EPHA5: variants seen among roughly 807,000 people sequenced by gnomAD.
EPHA5 encodes EPH receptor A5.
Under a neutral mutation model 105.0 loss-of-function variants are expected in EPHA5, and 60 were observed. That is an observed-to-expected ratio of 0.57 (90% CI 0.46 to 0.71). The LOEUF (loss-of-function observed/expected upper bound fraction) is 0.71, where lower values mean the gene tolerates loss of function less well. EPHA5 is among the 30% of genes least tolerant of loss of function. The pLI is 0.00. For synonymous variants in EPHA5, 513 were observed against 449.1 expected, an observed-to-expected ratio of 1.14 and a Z score of -1.80; for missense variants, 1,218 against 1,274.7, an observed-to-expected ratio of 0.96 and a Z score of 0.68.
At chr4:65,410,409 T>C (rs1369319444) in intron 7 of EPHA5, among the ~76,000 whole-genome samples, 5 of 152,164 alleles carry the variant, frequency 3.3e-5, no homozygotes, top group African/African-American at 1.2e-4. Flanking sequence ...CAGGGCTTAG[T>C]GATAACACAT....
At chr4:65,471,237 A>G (rs1227782908) in intron 5 of EPHA5, among the ~76,000 whole-genome samples, 2 of 152,206 alleles carry the variant, frequency 1.3e-5, no homozygotes, top group East Asian at 1.9e-4. Flanking sequence ...ACAGACATAA[A>G]TCTCATAAAC....
intron 3 of EPHA5, among the ~76,000 whole-genome samples, chr4:65,557,140 T>A (rs137912656): frequency 2.7e-5 from 4 of 150,040 alleles, no homozygotes; most frequent in African/African-American, 9.8e-5. Flanking sequence ...ACTTGATTAT[T>A]GGGACTAAAG....
intron 3 of EPHA5, among the ~76,000 whole-genome samples, chr4:65,524,663 C>T (rs1474686155): frequency 6.6e-6 from 1 of 151,772 alleles, no homozygotes; most frequent in African/African-American, 2.4e-5. Context: ...TAAATATTTG[C>T]AAGTGCATAC....
intron 5 of EPHA5, among the ~76,000 whole-genome samples, chr4:65,455,077 C>CA (rs1274927546): frequency 2.6e-5 from 4 of 151,924 alleles, no homozygotes; most frequent in South Asian, 2.1e-4. Flanking sequence ...ACTAAAAATA[C>CA]AAAAAATTAG....
intron 7 of EPHA5, among the ~76,000 whole-genome samples, chr4:65,408,840 G>T (rs1044399524): frequency 6.6e-6 from 1 of 151,850 alleles, no homozygotes; most frequent in Non-Finnish European, 1.5e-5. Context: ...CCATTACTGG[G>T]TATATACCCA....
chr4:65,539,114 T>G (rs990733178), intron 3 of EPHA5, among the ~76,000 whole-genome samples: 1 of 151,598 alleles, frequency 6.6e-6, no homozygotes, highest in Non-Finnish European at 1.5e-5. Flanking sequence ...GCTAGGAGAT[T>G]TAAAATAAGC....
At chr4:65,477,124 T>C (rs1339499265) in intron 5 of EPHA5, among the ~76,000 whole-genome samples, 2 of 152,100 alleles carry the variant, frequency 1.3e-5, no homozygotes, top group South Asian at 2.1e-4. Context: ...CAGAACAAAT[T>C]GTTATAGCAC....
At chr4:65,468,522 C>T (rs1277487030) in intron 5 of EPHA5, among the ~76,000 whole-genome samples, 1 of 137,452 alleles carries the variant, frequency 7.3e-6, no homozygotes, top group African/African-American at 2.7e-5. Flanking sequence ...CACATATATA[C>T]AGACACACAC....
chr4:65,489,341 C>A (rs1731190721), intron 5 of EPHA5, among the ~76,000 whole-genome samples: 1 of 152,190 alleles, frequency 6.6e-6, no homozygotes, highest in Non-Finnish European at 1.5e-5. Context: ...TACAAACTTA[C>A]ACTAATATTG....
chr4:65,354,916 A>T (rs1025686920), intron 11 of EPHA5, among the ~76,000 whole-genome samples: 1 of 151,962 alleles, frequency 6.6e-6, no homozygotes. Flanking sequence ...ATGGAATGTG[A>T]TAAGTGTATT....
chr4:65,390,441 G>A (rs10002887), intron 8 of EPHA5, among the ~76,000 whole-genome samples: 36,270 of 151,768 alleles, frequency 0.24, 4,530 homozygotes, highest in East Asian at 0.35. Context: ...CCAAAATCTG[G>A]TGTTTCTCTG....
chr4:65,433,526 C>T (rs1168811919), intron 5 of EPHA5, among the ~76,000 whole-genome samples: 1 of 152,116 alleles, frequency 6.6e-6, no homozygotes, highest in African/African-American at 2.4e-5. Flanking sequence ...TTCAACACAG[C>T]CTTGCCAAAG....
intron 8 of EPHA5, among the ~76,000 whole-genome samples, chr4:65,395,346 T>C (rs1721114301): frequency 6.6e-6 from 1 of 152,220 alleles, no homozygotes; most frequent in Non-Finnish European, 1.5e-5. Context: ...ATATCATATG[T>C]CCTGGACTTA....
intron 2 of EPHA5, among the ~76,000 whole-genome samples, chr4:65,629,789 C>G (rs1019752351): frequency 6.6e-6 from 1 of 152,096 alleles, no homozygotes; most frequent in Non-Finnish European, 1.5e-5. Context: ...CCATCCTCTT[C>G]CCCCTACCCA....
At chr4:65,329,516 T>C (rs1028386958) in intron 16 of EPHA5, among the ~76,000 whole-genome samples, 3 of 151,436 alleles carry the variant, frequency 2.0e-5, no homozygotes, top group African/African-American at 7.3e-5. Flanking sequence ...TACAATGTAG[T>C]TTTTAAATAT....
At chr4:65,484,244 G>T (rs1730661750) in intron 5 of EPHA5, among the ~76,000 whole-genome samples, 1 of 151,980 alleles carries the variant, frequency 6.6e-6, no homozygotes. Context: ...TGTTCTAATG[G>T]TCTCTGAAAT....
chr4:65,381,069 G>A (rs1220226838), intron 8 of EPHA5, among the ~76,000 whole-genome samples: 1 of 151,036 alleles, frequency 6.6e-6, no homozygotes, highest in African/African-American at 2.5e-5. Context: ...TCTCTGCACT[G>A]TTTGGGGCTC....
At chr4:65,503,017 A>C (rs1402982436) in intron 3 of EPHA5, among the ~76,000 whole-genome samples, 1 of 151,894 alleles carries the variant, frequency 6.6e-6, no homozygotes, top group Non-Finnish European at 1.5e-5. Flanking sequence ...GCAGGAACAG[A>C]AAACCAAATA....
At chr4:65,471,576 G>A (rs58538364) in intron 5 of EPHA5, among the ~76,000 whole-genome samples, 11,058 of 152,188 alleles carry the variant, frequency 0.073, 1,362 homozygotes, top group African/African-American at 0.25. Context: ...TTGACTTACA[G>A]TTCCACATGG....
Sources: allele counts gnomAD v4.1 joint callset (sites outside exome capture counted in the v4.1 genomes callset), GRCh38; gene constraint gnomAD v4.1.1; transcripts MANE v1.5; gene names NCBI Gene and HGNC (gene_info 2026-07-23, HGNC 2026-07-21).